The following SLC22A13 variants were observed in gnomAD, a reference collection of about 807,000 sequenced individuals.
SLC22A13 encodes solute carrier family 22 member 13.
SLC22A13 carries 42 observed loss-of-function variants against 49.1 expected under a neutral mutation model. That is an observed-to-expected ratio of 0.85 (90% CI 0.67 to 1.11). The LOEUF (loss-of-function observed/expected upper bound fraction) is 1.11. Among genes scored for constraint, SLC22A13 ranks in the 50% least tolerant of loss-of-function variants. The pLI is 0.00. For synonymous variants in SLC22A13, 282 were observed against 293.1 expected, an observed-to-expected ratio of 0.96 and a Z score of 0.39; for missense variants, 694 against 712.8, an observed-to-expected ratio of 0.97 and a Z score of 0.30.
intron 1 of SLC22A13, among the ~76,000 whole-genome samples, chr3:38,273,790 G>GA (rs1199305725): frequency 6.6e-6 from 1 of 152,138 alleles, no homozygotes; most frequent in African/African-American, 2.4e-5. Flanking sequence ...TAAGTTGACA[G>GA]AAAAAATATT....
At position 38,277,133 on chromosome 3, in the gene SLC22A13, CTGCT is replaced by C; in HGVS notation, c.1562+14_1562+17del. On this transcript the variant is annotated splice_region_variant and intron_variant, in intron 9 of 9. Transcript: ENST00000311856. Reference sequence around the variant, plus strand: ...GAGCTGGGGCCTCACCCACGGTGAGCTGCTTGCTTGCACTGAAACCACGACTTGG... The same window carrying C: ...GAGCTGGGGCCTCACCCACGGTGAGCTGCTTGCACTGAAACCACGACTTGG... 6.4e-7 allele frequency: 1 copy of C among 1,550,962 alleles called. No homozygotes were observed. The highest frequency in any genetic ancestry group is 8.7e-7 in the Non-Finnish European group (1 of 1,145,856).
In SLC22A13 at chr3:38,269,143, A is replaced by G. The variant is rs545000505; in HGVS notation, c.378+2905A>G. 1.3e-3 allele frequency among the ~76,000 whole-genome samples: 205 copies of G among 152,336 alleles called. 2 individuals carry two copies. The highest frequency in any genetic ancestry group is 6.8e-3 in the Middle Eastern group (2 of 294). ...CTGATCACTTTTCTGACAATAAACA[A>G]TGATTCAAAAGTAACTAGTATTAGG... On this transcript the variant is annotated intron_variant, in intron 1 of 9. Transcript: ENST00000311856.
At position 38,274,337 on chromosome 3, in the gene SLC22A13, C is replaced by T. The variant is rs775904889; in HGVS notation, c.444C>T (p.Leu148=). Residue 148 remains leucine (L), a synonymous_variant, in exon 2 of 10, where the codon CTC becomes CTT. Coordinates refer to ENST00000311856, the MANE Select transcript of SLC22A13 (RefSeq NM_004256.4). ...DTTQSVFMAG[L]LVGTLMFGPL... is the part of the protein sequence containing the mutation. ...CACAGTCAGTGTTCATGGCTGGGCTCCTTGTTGGCACCCTCATGTTTGGGC... is the reference window on the plus strand; with the variant it reads ...CACAGTCAGTGTTCATGGCTGGGCTTCTTGTTGGCACCCTCATGTTTGGGC... The T allele has an allele frequency of 6.2e-7, 1 of 1,614,206 alleles. No individual in the cohort carries two copies. The highest frequency in any genetic ancestry group is 2.2e-5 in the East Asian group (1 of 44,856).
chr3:38,270,736 T>G (rs1339674647), intron 1 of SLC22A13: 1 of 167,828 alleles, frequency 6.0e-6, no homozygotes. Context: ...AATGGCATCA[T>G]TGCTTACAAC....
At chr3:38,271,586 G>C (rs989950424) in intron 1 of SLC22A13, among the ~76,000 whole-genome samples, 1 of 149,852 alleles carries the variant, frequency 6.7e-6, no homozygotes, top group Admixed American at 6.7e-5. Context: ...CCCTGTCTAC[G>C]TGGACCTTGG....
Position 38,275,086 on chromosome 3 carries a change from C to A in SLC22A13, c.735C>A (p.Tyr245Ter), listed in dbSNP as rs145058912. 2.4e-5 allele frequency: 38 copies of A among 1,614,136 alleles called. No individual in the cohort carries two copies. Among genetic ancestry groups the A allele is most frequent in the Non-Finnish European group, 2.9e-5 (34 of 1,180,052 alleles). ...LGQMVLAGLAYGFRNWRLLQI... is the reference protein window; with the variant it reads ...LGQMVLAGLA ...AGATGGTGCTTGCGGGACTCGCCTA[C>A]GGTTTCCGCAACTGGAGGCTCCTTC... Residue 245 changes from tyrosine (Y) to a stop codon, truncating the protein, a stop_gained, in exon 4 of 10, where the codon TAC (tyrosine) becomes TAA (stop). Transcript: ENST00000311856. LOFTEE classifies it high-confidence loss of function.
intron 1 of SLC22A13, among the ~76,000 whole-genome samples, chr3:38,272,326 A>C (rs1390978874): frequency 6.6e-6 from 1 of 152,242 alleles, no homozygotes; most frequent in Non-Finnish European, 1.5e-5. Flanking sequence ...CTCACCCTAC[A>C]TAACAGGTGC....
At chr3:38,275,338 G>A in intron 4 of SLC22A13, 32 bp from the exon 5 acceptor site, 2 of 1,613,538 alleles carry the variant, frequency 1.2e-6, no homozygotes, top group East Asian at 2.2e-5. Flanking sequence ...AGGACTCCAG[G>A]CCCCAAGGTC....
intron 1 of SLC22A13, among the ~76,000 whole-genome samples, chr3:38,272,942 T>C (rs1703536264): frequency 1.3e-5 from 2 of 152,232 alleles, no homozygotes; most frequent in Admixed American, 1.3e-4. Flanking sequence ...GCCATCCAGC[T>C]GTAGGACCAA....
In SLC22A13 at chr3:38,275,984, T is replaced by C. The variant is rs575215451; in HGVS notation, c.1125T>C (p.Pro375=). The C allele has an allele frequency of 1.2e-5, 19 of 1,614,216 alleles. No homozygotes were observed. The African/African-American group carries it at 1.6e-4, about 14-fold the overall frequency. Residue 375 remains proline, a synonymous_variant, in exon 7 of 10, where the codon CCT becomes CCC. Coordinates refer to ENST00000311856, the MANE Select transcript of SLC22A13 (RefSeq NM_004256.4). ...TQLIFGAVEV[P]ARCSSIFMMQ... ...TCATCTTTGGAGCTGTTGAGGTGCCTGCCCGCTGTTCCAGCATCTTCATGA... is the reference window on the plus strand; with the variant it reads ...TCATCTTTGGAGCTGTTGAGGTGCCCGCCCGCTGTTCCAGCATCTTCATGA...
intron 1 of SLC22A13, among the ~76,000 whole-genome samples, chr3:38,268,965 CAA>C (rs918074997): frequency 2.7e-5 from 4 of 150,420 alleles, no homozygotes; most frequent in Middle Eastern, 3.4e-3. Context: ...AACAAACAAA[CAA>C]AAAAAACAGC....
At chr3:38,275,257 T>C in intron 4 of SLC22A13, 100 bp downstream of exon 4, 2 of 1,590,724 alleles carry the variant, frequency 1.3e-6, no homozygotes, top group Non-Finnish European at 1.7e-6. Context: ...CAGAGGTGAG[T>C]CTGGGAGAGG....
At chr3:38,266,428 C>T (rs553713691) in intron 1 of SLC22A13, among the ~76,000 whole-genome samples, 190 bp downstream of exon 1, 1 of 152,178 alleles carries the variant, frequency 6.6e-6, no homozygotes, top group African/African-American at 2.4e-5. Context: ...ATCTGTCTGT[C>T]ATCTTCTCTG....
At chr3:38,271,261 C>G (rs1014644734) in intron 1 of SLC22A13, among the ~76,000 whole-genome samples, 2 of 151,954 alleles carry the variant, frequency 1.3e-5, no homozygotes, top group Admixed American at 6.6e-5. Context: ...GGGCGTCCAC[C>G]CTTGGTAAAA....
chr3:38,274,794 G>T, intron 3 of SLC22A13, 36 bp downstream of exon 3: 1 of 1,594,206 alleles, frequency 6.3e-7, no homozygotes, highest in Non-Finnish European at 8.6e-7. Context: ...CAGCCATAGG[G>T]TGAGGCCCAG....
At position 38,275,028 on chromosome 3, in the gene SLC22A13, T is replaced by G; in HGVS notation, c.677T>G (p.Val226Gly). ...WVGPSWRTQA[V>G]VLAQCNFSLG... Reference sequence around the variant, plus strand: ...GGGCCCTCATGGAGGACGCAGGCCGTGGTCCTGGCCCAGTGCAACTTCTCC... The same window carrying G: ...GGGCCCTCATGGAGGACGCAGGCCGGGGTCCTGGCCCAGTGCAACTTCTCC... The change falls in exon 4 of 10, where the codon GTG (valine) becomes GGG (glycine). Residue 226 changes from valine to glycine, a missense_variant. By Grantham distance (109) the Val-to-Gly change is moderately radical. Transcript: ENST00000311856. 6.2e-7 allele frequency: 1 copy of G among 1,614,220 alleles called. No individual in the cohort carries two copies. The highest frequency in any genetic ancestry group is 8.5e-7 in the Non-Finnish European group (1 of 1,180,014).
chr3:38,277,707 T>G lies in SLC22A13; in HGVS notation c.*242T>G, dbSNP rs1274907896. ...ATCTCCAGAGCCCTGCCCCCAATAC[T>G]CTGTCTGGGTTAGGATCTTGGGTAT... is the stretch of plus-strand genomic sequence containing the variant. On this transcript the variant is annotated 3_prime_UTR_variant, in exon 10 of 10. Transcript: ENST00000311856. The G allele has an allele frequency of 2.3e-6, 1 of 429,336 alleles. No individual in the cohort carries two copies. Among genetic ancestry groups the G allele is most frequent in the Non-Finnish European group, 4.2e-6 (1 of 237,404 alleles). The allele number at this position is 429,336 out of a possible 1,614,324, so 26.6% of individuals were successfully genotyped here.
chr3:38,274,841 A>G, intron 3 of SLC22A13, 83 bp downstream of exon 3: 1 of 1,537,154 alleles, frequency 6.5e-7, no homozygotes, highest in Non-Finnish European at 8.8e-7. Flanking sequence ...CGGCCTGTGG[A>G]GGTCTTTTCA....
Position 38,277,580 on chromosome 3 carries a change from G to A in SLC22A13, c.*115G>A. 1 of 715,030 alleles carries A rather than the reference G, an allele frequency of 1.4e-6. No homozygotes were observed. The highest frequency in any genetic ancestry group is 2.4e-6 in the Non-Finnish European group (1 of 424,894). 44.3% of individuals were successfully genotyped at this position (715,030 alleles called of 1,614,324 possible). ...AGACCAGCCTTGCTTATGGAGGCAG[G>A]ACACCACAATCTGGCCCATGGCTGT... On this transcript the variant is annotated 3_prime_UTR_variant, in exon 10 of 10. Transcript: ENST00000311856.
Sources: allele counts gnomAD v4.1 joint callset (sites outside exome capture counted in the v4.1 genomes callset), GRCh38; gene constraint gnomAD v4.1.1; transcripts MANE v1.5; gene names NCBI Gene and HGNC (gene_info 2026-07-23, HGNC 2026-07-21).